The following TECPR2 variants were observed in gnomAD, a reference collection of about 807,000 sequenced individuals.
The protein encoded by TECPR2 is tectonin beta-propeller repeat-containing protein 2.
In TECPR2, 65 loss-of-function variants were observed where a neutral mutation model predicts 138.1. The observed-to-expected ratio is 0.47, with a 90% CI of 0.39 to 0.58. The LOEUF is 0.58. Among genes scored for constraint, TECPR2 ranks in the 20% least tolerant of loss-of-function variants. The probability of loss-of-function intolerance (pLI) is 0.00; values close to 1 mark genes in which losing one functional copy is unlikely to be tolerated. For missense variants in TECPR2, 1,553 were observed against 1,824.5 expected, an observed-to-expected ratio of 0.85 and a Z score of 2.71; for synonymous variants, 746 against 749.8, an observed-to-expected ratio of 0.99 and a Z score of 0.08.
intron 1 of TECPR2, among the ~76,000 whole-genome samples, chr14:102,369,428 A>T (rs1440763511): frequency 6.6e-6 from 1 of 152,058 alleles, no homozygotes; most frequent in African/African-American, 2.4e-5. Flanking sequence ...TTGCTCTGTC[A>T]CCTAGGCTGG....
chr14:102,435,012 C>T lies in TECPR2; in HGVS notation c.2195C>T (p.Ala732Val), dbSNP rs1284041784. ...CAGCTGACTCCGGTCTCTGCCTTGG[C>T]AGCCAGCACTCACAAGCCCTGGCTT... ...GGQLTPVSAL[A>V]ASTHKPWLEQ... Residue 732 changes from alanine (A) to valine (V), a missense_variant, in exon 9 of 20, where the codon GCA becomes GTA. Ala to Val is a moderately conservative substitution (Grantham distance 64, BLOSUM62 0). Transcript: ENST00000359520. The T allele has an allele frequency of 1.2e-6, 2 of 1,614,098 alleles. No individual in the cohort carries two copies. The highest frequency in any genetic ancestry group is 2.2e-5 in the South Asian group (2 of 91,086).
chr14:102,374,909 C>T (rs1887604228), intron 1 of TECPR2, among the ~76,000 whole-genome samples: 5 of 152,156 alleles, frequency 3.3e-5, no homozygotes, highest in Admixed American at 1.3e-4. Context: ...GCCCTTTTCT[C>T]CCTGCGGGGG....
chr14:102,496,816 C>G, intron 17 of TECPR2, 163 bp from the exon 18 acceptor site: 1 of 1,025,910 alleles, frequency 9.7e-7, no homozygotes, highest in Non-Finnish European at 1.4e-6. Flanking sequence ...CCATCTCCCC[C>G]GTGAGACTGG....
intron 10 of TECPR2, 75 bp from the exon 11 acceptor site, chr14:102,440,361 C>A: frequency 6.5e-7 from 1 of 1,546,346 alleles, no homozygotes. Flanking sequence ...CCCCTCAATG[C>A]CCAGCATGAA....
intron 6 of TECPR2, among the ~76,000 whole-genome samples, chr14:102,426,186 G>A (rs867686579): frequency 6.6e-6 from 1 of 151,760 alleles, no homozygotes; most frequent in African/African-American, 2.4e-5. Flanking sequence ...GCGCCCGGCC[G>A]CCACTTGGTT....
chr14:102,429,883 C>T (rs1444262837), intron 7 of TECPR2, among the ~76,000 whole-genome samples: 1 of 152,094 alleles, frequency 6.6e-6, no homozygotes, highest in Non-Finnish European at 1.5e-5. Context: ...GTAGGCAGTC[C>T]CTGTCCATGT....
intron 2 of TECPR2, among the ~76,000 whole-genome samples, chr14:102,394,335 G>A (rs1020325867): frequency 6.6e-6 from 1 of 152,192 alleles, no homozygotes; most frequent in African/African-American, 2.4e-5. Context: ...ACCAGGCACG[G>A]TGGCTCACAC....
At chr14:102,400,232 G>A (rs1197184114) in intron 2 of TECPR2, among the ~76,000 whole-genome samples, 1 of 151,962 alleles carries the variant, frequency 6.6e-6, no homozygotes, top group Non-Finnish European at 1.5e-5. Flanking sequence ...TTTTAGTAGA[G>A]ACGGGGTTTC....
intron 14 of TECPR2, among the ~76,000 whole-genome samples, chr14:102,450,076 C>T (rs1043942032): frequency 2.0e-5 from 3 of 152,186 alleles, no homozygotes; most frequent in Non-Finnish European, 4.4e-5. Context: ...ATCCCTGTGT[C>T]TGGATAGTGT....
intron 2 of TECPR2, among the ~76,000 whole-genome samples, chr14:102,394,980 T>G (rs957373711): frequency 8.5e-5 from 13 of 152,150 alleles, no homozygotes; most frequent in Admixed American, 3.9e-4. Context: ...CTCCTAATCG[T>G]GTTTGTCAGA....
chr14:102,431,030 T>A (rs1889457467), intron 7 of TECPR2, among the ~76,000 whole-genome samples: 1 of 147,478 alleles, frequency 6.8e-6, no homozygotes, highest in African/African-American at 2.5e-5. Flanking sequence ...TTTACTTTTT[T>A]TTTTTTTTTT....
At chr14:102,463,176 T>C (rs1422949312) in intron 16 of TECPR2, among the ~76,000 whole-genome samples, 1 of 151,910 alleles carries the variant, frequency 6.6e-6, no homozygotes, top group South Asian at 2.1e-4. Context: ...ATCCCAGCAC[T>C]TTGGGAGGCC....
At chr14:102,384,065 A>G (rs1169277114) in intron 2 of TECPR2, among the ~76,000 whole-genome samples, 1 of 151,284 alleles carries the variant, frequency 6.6e-6, no homozygotes, top group African/African-American at 2.4e-5. Flanking sequence ...GATTACAGGC[A>G]TGTGCCACCC....
intron 17 of TECPR2, among the ~76,000 whole-genome samples, chr14:102,470,895 T>G (rs1890641802): frequency 6.6e-6 from 1 of 151,264 alleles, no homozygotes; most frequent in Non-Finnish European, 1.5e-5. Flanking sequence ...CTCAGCTCAC[T>G]GCAGCCTCCG....
intron 16 of TECPR2, among the ~76,000 whole-genome samples, chr14:102,460,697 ATT>A (rs552167034): frequency 2.9e-5 from 4 of 140,206 alleles, no homozygotes; most frequent in Non-Finnish European, 4.6e-5. Context: ...TCTACCTTTA[ATT>A]TTTTTTTTTT....
Position 102,434,469 on chromosome 14 carries a change from A to G in TECPR2, c.1652A>G (p.Glu551Gly), listed in dbSNP as rs778600439. The change falls in exon 9 of 20, where the codon GAG becomes GGG. Residue 551 changes from glutamate to glycine, a missense_variant. Physicochemically the swap from Glu to Gly is moderately conservative, Grantham distance 98. Coordinates refer to ENST00000359520, the MANE Select transcript of TECPR2 (RefSeq NM_014844.5). The part of the protein sequence containing the change: ...NTDPETFNVL[E>G]VSGSMPDSLA... ...GACCCCGAAACGTTTAATGTCCTGG[A>G]GGTGTCAGGATCAATGCCTGATTCT... 98 of 1,554,190 alleles carry G rather than the reference A, an allele frequency of 6.3e-5. No individual in the cohort carries two copies. Among genetic ancestry groups the G allele is most frequent in the Middle Eastern group, 1.7e-4 (1 of 5,784 alleles).
At chr14:102,465,660 AG>A (rs1000286811) in intron 17 of TECPR2, 17 of 986,904 alleles carry the variant, frequency 1.7e-5, no homozygotes, top group Non-Finnish European at 2.0e-5. Flanking sequence ...AGAAGGTAAA[AG>A]TTACTTTGAA....
chr14:102,417,197 A>G (rs1364656985), intron 5 of TECPR2, among the ~76,000 whole-genome samples: 1 of 152,190 alleles, frequency 6.6e-6, no homozygotes, highest in Non-Finnish European at 1.5e-5. Context: ...GATTTTACTG[A>G]GCCTTGGGGA....
intron 4 of TECPR2, among the ~76,000 whole-genome samples, chr14:102,411,499 G>T (rs1259264665): frequency 1.3e-5 from 2 of 151,902 alleles, no homozygotes. Flanking sequence ...CCTTTTCCTG[G>T]CTCATCCTGG....
Sources: gnomAD v4.1 joint callset for allele counts (sites outside exome capture counted in the v4.1 genomes callset) on GRCh38, gnomAD v4.1.1 for gene constraint, MANE v1.5 for transcripts, NCBI Gene and HGNC (gene_info 2026-07-23, HGNC 2026-07-21) for gene names.